CREB5: variants seen among roughly 807,000 people sequenced by gnomAD.
CREB5 encodes the protein cyclic AMP-responsive element-binding protein 5.
A neutral mutation model predicts 57.1 loss-of-function variants in CREB5; 19 were observed. The ratio of observed to expected loss-of-function variants is 0.33; its 90% CI spans 0.23 to 0.49. The LOEUF (loss-of-function observed/expected upper bound fraction) is 0.49. Among genes scored for constraint, CREB5 ranks in the 20% least tolerant of loss-of-function variants. CREB5 has a pLI of 0.99. For missense variants in CREB5, 579 were observed against 671.6 expected (o/e 0.86, Z 1.52); for synonymous variants, 238 against 238.3 (o/e 1.00, Z 0.01).
chr7:28,820,291 G>A lies in CREB5; in HGVS notation c.*1012G>A, dbSNP rs906580879. 6.6e-5 allele frequency: 10 copies of A among 152,582 alleles called. No individual in the cohort carries two copies. The highest frequency in any genetic ancestry group is 1.9e-4 in the African/African-American group (8 of 41,432). 9.5% of individuals were successfully genotyped at this position (152,582 alleles called of 1,614,324 possible). A position where few individuals can be genotyped will look rare whatever the true frequency, so the allele number is the denominator to read the frequency against. On this transcript the variant is annotated 3_prime_UTR_variant, in exon 11 of 11. Coordinates refer to ENST00000357727, the MANE Select transcript of CREB5 (RefSeq NM_182898.4). The stretch of plus-strand genomic sequence containing the variant: ...CTATAACATGACACCCTTGGATTGC[G>A]ACTGGTTTTATACGGCCTGCCTATA...
chr7:28,682,685 G>A (rs964137981), intron 5 of CREB5, among the ~76,000 whole-genome samples: 1 of 147,078 alleles, frequency 6.8e-6, no homozygotes, highest in East Asian at 1.9e-4. Flanking sequence ...CTAAAAGTGG[G>A]GGGGGGGGGA....
chr7:28,794,419 A>T, intron 7 of CREB5, among the ~76,000 whole-genome samples: 1 of 152,252 alleles, frequency 6.6e-6, no homozygotes, highest in East Asian at 1.9e-4. Context: ...ACTTTCAGGC[A>T]GCAGGCAGGC....
intron 5 of CREB5, among the ~76,000 whole-genome samples, chr7:28,706,605 G>C (rs948167201): frequency 6.6e-6 from 1 of 152,206 alleles, no homozygotes; most frequent in Non-Finnish European, 1.5e-5. Context: ...TGAATGCAAA[G>C]TGTAAAGTAC....
Position 28,371,909 on chromosome 7 carries a change from G to T in CREB5, c.-25+72468G>T, listed in dbSNP as rs111928643. Among the ~76,000 whole-genome samples, 377 of 152,298 alleles carry T rather than the reference G, an allele frequency of 2.5e-3. 1 individual carries two copies. Among genetic ancestry groups the T allele is most frequent in the African/African-American group, 8.5e-3 (352 of 41,564 alleles). ...AAGTAAAATCTGCTTAAGAAGGCAG[G>T]AAGACTTCACCCCAACCTGTACCAT... On this transcript the variant is annotated intron_variant, in intron 1 of 9. Coordinates refer to the CREB5 transcript ENST00000396299.
At chr7:28,696,605 T>C (rs1257552449) in intron 5 of CREB5, among the ~76,000 whole-genome samples, 1 of 152,122 alleles carries the variant, frequency 6.6e-6, no homozygotes, top group Non-Finnish European at 1.5e-5. Flanking sequence ...TTCTGTATAG[T>C]AGTTTTTAAA....
chr7:28,768,604 C>A (rs1342873468), intron 7 of CREB5, among the ~76,000 whole-genome samples: 2 of 152,062 alleles, frequency 1.3e-5, no homozygotes, highest in Non-Finnish European at 2.9e-5. Context: ...AAATGGCAAC[C>A]TTTTGAAGGT....
intron 1 of CREB5, among the ~76,000 whole-genome samples, chr7:28,456,479 T>C (rs1003266939): frequency 2.0e-5 from 3 of 152,158 alleles, no homozygotes; most frequent in Non-Finnish European, 4.4e-5. Context: ...GGACTAGGCA[T>C]TGAAAGCCAT....
intron 5 of CREB5, among the ~76,000 whole-genome samples, chr7:28,601,252 T>G (rs1796909431): frequency 6.6e-6 from 1 of 151,914 alleles, no homozygotes; most frequent in Non-Finnish European, 1.5e-5. Context: ...GAAAAGGGGA[T>G]TTGTTCTACA....
At chr7:28,428,095 C>A (rs749077633) in intron 1 of CREB5, among the ~76,000 whole-genome samples, 1 of 152,084 alleles carries the variant, frequency 6.6e-6, no homozygotes, top group African/African-American at 2.4e-5. Context: ...AGGAGAGCCA[C>A]CAGGGAAGGG....
intron 7 of CREB5, among the ~76,000 whole-genome samples, chr7:28,743,008 T>A (rs1274789215): frequency 2.6e-5 from 4 of 152,216 alleles, no homozygotes; most frequent in Admixed American, 6.5e-5. Flanking sequence ...GGTCTTGAAC[T>A]CCTGACCTCA....
chr7:28,466,054 A>C (rs1041573372), intron 1 of CREB5, among the ~76,000 whole-genome samples: 1 of 152,212 alleles, frequency 6.6e-6, no homozygotes, highest in Non-Finnish European at 1.5e-5. Flanking sequence ...TAAATTGAAG[A>C]AATGAAATAA....
At chr7:28,466,940 C>A (rs567834963) in intron 1 of CREB5, among the ~76,000 whole-genome samples, 1 of 152,344 alleles carries the variant, frequency 6.6e-6, no homozygotes, top group East Asian at 1.9e-4. Context: ...AAAGAAAGTG[C>A]AATGTGCACA....
At chr7:28,386,821 T>C (rs867662799) in intron 1 of CREB5, among the ~76,000 whole-genome samples, 1 of 152,206 alleles carries the variant, frequency 6.6e-6, no homozygotes, top group Non-Finnish European at 1.5e-5. Context: ...TAATTTTTAG[T>C]TTTTAAAATA....
intron 7 of CREB5, among the ~76,000 whole-genome samples, chr7:28,733,179 G>A (rs1056852670): frequency 2.0e-5 from 3 of 152,326 alleles, no homozygotes; most frequent in Admixed American, 2.0e-4. Flanking sequence ...AGAGAGCCGA[G>A]TCAGTAACCT....
chr7:28,592,696 C>T (rs368086331), intron 5 of CREB5, among the ~76,000 whole-genome samples: 99 of 152,082 alleles, frequency 6.5e-4, no homozygotes, highest in Non-Finnish European at 1.2e-3. Flanking sequence ...GTTCAAGTGC[C>T]GTGGCCTGTT....
upstream of CREB5, among the ~76,000 whole-genome samples, chr7:28,408,012 C>T (rs191131964): frequency 1.3e-5 from 2 of 152,330 alleles, no homozygotes; most frequent in East Asian, 3.9e-4. Context: ...CATCTCCCAG[C>T]CAATGTGTTC....
chr7:28,499,399 C>T (rs1226997876), intron 3 of CREB5, among the ~76,000 whole-genome samples: 1 of 152,064 alleles, frequency 6.6e-6, no homozygotes, highest in African/African-American at 2.4e-5. Context: ...TGTGTGTGCA[C>T]ATGTGTCCTC....
chr7:28,481,198 G>A (rs946202663), intron 1 of CREB5, among the ~76,000 whole-genome samples: 2 of 152,164 alleles, frequency 1.3e-5, no homozygotes, highest in Non-Finnish European at 2.9e-5. Context: ...TTCCTCCTGG[G>A]AGCAGTGGGC....
chr7:28,714,414 G>T (rs1437639817), intron 5 of CREB5, among the ~76,000 whole-genome samples: 1 of 152,062 alleles, frequency 6.6e-6, no homozygotes, highest in Non-Finnish European at 1.5e-5. Context: ...TTAACAGATA[G>T]TCCCAGTGTG....
Sources: allele counts gnomAD v4.1 joint callset (sites outside exome capture counted in the v4.1 genomes callset), GRCh38; gene constraint gnomAD v4.1.1; transcripts MANE v1.5; gene names NCBI Gene and HGNC (gene_info 2026-07-23, HGNC 2026-07-21).